Variants in RPL37A observed in about 807,000 individuals in gnomAD.
The protein encoded by RPL37A is ribosomal protein L37a, also known as large ribosomal subunit protein eL43.
In RPL37A, 5 loss-of-function variants were observed where a neutral mutation model predicts 13.6. The ratio of observed to expected loss-of-function variants is 0.37; its 90% confidence interval spans 0.19 to 0.78. RPL37A has a LOEUF of 0.78. Among genes scored for constraint, RPL37A ranks in the 30% least tolerant of loss-of-function variants. The probability of loss-of-function intolerance (pLI) is 0.49; values close to 1 mark genes in which losing one functional copy is unlikely to be tolerated. For missense variants in RPL37A, 77 were observed against 120.0 expected, an observed-to-expected ratio of 0.64 and a Z score of 1.67; for synonymous variants, 50 against 44.4, an observed-to-expected ratio of 1.13 and a Z score of -0.50.
At chr2:216,498,921 A>G (rs1695547637) in intron 1 of RPL37A, 44 bp downstream of exon 1, 3 of 1,613,398 alleles carry the variant, frequency 1.9e-6, no homozygotes, top group Non-Finnish European at 2.5e-6. Context: ...ATCTGCCTGC[A>G]TCTGTCCTTG....
chr2:216,501,462 A>G lies in RPL37A; in HGVS notation c.*58A>G. The G allele has an allele frequency of 7.9e-7, 1 of 1,259,548 alleles. No homozygotes were observed. The highest frequency in any genetic ancestry group is 1.2e-6 in the Non-Finnish European group (1 of 868,126). 78.0% of individuals were successfully genotyped at this position (1,259,548 alleles called of 1,614,324 possible). ...TATAATAAATGGGTTAATTTATGTA[A>G]CAAAATTGCCTTGGCTTGTTAACTT... On this transcript the variant is annotated 3_prime_UTR_variant, in exon 4 of 4. Coordinates refer to ENST00000491306, the MANE Select transcript of RPL37A (RefSeq NM_000998.5).
Position 216,502,305 on chromosome 2 carries a change from A to G in RPL37A, c.*901A>G, listed in dbSNP as rs566817181. On this transcript the variant is annotated 3_prime_UTR_variant, in exon 4 of 4. Transcript: ENST00000491306. ...TCGTGCCACTGCACTTTATTTAGCC[A>G]GGACAACACTCTGTCTCCAAAAAAA... The G allele has an allele frequency of 6.6e-6, 1 of 151,730 alleles. No homozygotes were observed. The highest frequency in any genetic ancestry group is 2.0e-4 in the East Asian group (1 of 5,000). The allele number at this position is 151,730 out of a possible 1,614,324, so 9.4% of individuals were successfully genotyped here.
At position 216,503,257 on chromosome 2, in the gene RPL37A, C is replaced by T. The variant is rs148903451; in HGVS notation, c.*1853C>T. The T allele has an allele frequency of 3.9e-5, 6 of 152,160 alleles. No individual in the cohort carries two copies. The highest frequency in any genetic ancestry group is 6.5e-5 in the Admixed American group (1 of 15,272). The allele number at this position is 152,160 out of a possible 1,614,324, so 9.4% of individuals were successfully genotyped here. A position where few individuals can be genotyped will look rare whatever the true frequency, so the allele number is the denominator to read the frequency against. On this transcript the variant is annotated 3_prime_UTR_variant, in exon 4 of 4. Transcript: ENST00000491306. The stretch of plus-strand genomic sequence containing the variant: ...TGACTTGGGTTAAGTGACTTAACCT[C>T]TCTGCTTCAGTTTCCTGTATAATTC...
intron 3 of RPL37A, 48 bp from the exon 4 acceptor site, chr2:216,501,293 C>T: frequency 4.0e-6 from 6 of 1,510,262 alleles, no homozygotes; most frequent in Non-Finnish European, 5.5e-6. Context: ...TTGCCATTTT[C>T]TATGTTAACA....
chr2:216,498,956 T>C, intron 1 of RPL37A, 79 bp downstream of exon 1: 4 of 1,569,532 alleles, frequency 2.5e-6, no homozygotes, highest in Non-Finnish European at 3.5e-6. Flanking sequence ...ACCCATCTCC[T>C]CTCCTGCCTT....
Position 216,502,601 on chromosome 2 carries a change from A to C in RPL37A, c.*1197A>C, listed in dbSNP as rs1018385721. 2 of 152,198 alleles carry C rather than the reference A, an allele frequency of 1.3e-5. No individual in the cohort carries two copies. The highest frequency in any genetic ancestry group is 4.8e-5 in the African/African-American group (2 of 41,454). The allele number at this position is 152,198 out of a possible 1,614,324, so 9.4% of individuals were successfully genotyped here. Reference sequence around the variant, plus strand: ...AGGCCTGCCTTTGACACTTTTATGCACTTAATTCACTGCCAATTTAGTCTA... The same window carrying C: ...AGGCCTGCCTTTGACACTTTTATGCCCTTAATTCACTGCCAATTTAGTCTA... On this transcript the variant is annotated 3_prime_UTR_variant, in exon 4 of 4. Transcript: ENST00000491306.
At position 216,498,897 on chromosome 2, in the gene RPL37A, C is replaced by T. The variant is rs769222707; in HGVS notation, c.3+20C>T. The stretch of plus-strand genomic sequence containing the variant: ...GACATGGTGAGTGTGGGTCTCTGTG[C>T]GGCCTAGAACTCTATCTGCCTGCAT... On this transcript the variant is annotated intron_variant, in intron 1 of 3. Transcript: ENST00000491306. 2 of 1,613,744 alleles carry T rather than the reference C, an allele frequency of 1.2e-6. No homozygotes were observed. The highest frequency in any genetic ancestry group is 1.7e-6 in the Non-Finnish European group (2 of 1,179,780).
intron 3 of RPL37A, chr2:216,500,303 G>C (rs945479838): frequency 1.7e-5 from 8 of 478,262 alleles, no homozygotes; most frequent in Non-Finnish European, 3.0e-5. Flanking sequence ...TCATGATACT[G>C]TGCAGGTCCA....
At position 216,502,809 on chromosome 2, in the gene RPL37A, T is replaced by G. The variant is rs1051904669; in HGVS notation, c.*1405T>G. On this transcript the variant is annotated 3_prime_UTR_variant, in exon 4 of 4. Coordinates refer to ENST00000491306, the MANE Select transcript of RPL37A (RefSeq NM_000998.5). ...TGGTCTGACCCCTATCTTCTATAAC[T>G]TGTTTTTTTGCTCATTACTGGCCTT... 4 of 152,236 alleles carry G rather than the reference T, an allele frequency of 2.6e-5. No individual in the cohort carries two copies. Among genetic ancestry groups the G allele is most frequent in the African/African-American group, 9.6e-5 (4 of 41,466 alleles). The allele number at this position is 152,236 out of a possible 1,614,324, so 9.4% of individuals were successfully genotyped here. A position where few individuals can be genotyped will look rare whatever the true frequency, so the allele number is the denominator to read the frequency against.
At chr2:216,500,751 T>TA (rs1172384343) in intron 3 of RPL37A, 4 of 152,426 alleles carry the variant, frequency 2.6e-5, no homozygotes, top group Non-Finnish European at 5.9e-5. Flanking sequence ...TTTATATACT[T>TA]ACAATACAGG....
In RPL37A at chr2:216,501,408, C is replaced by T. The variant is rs760083628; in HGVS notation, c.*4C>T. ...GAAGGAGTTGAAAGACCAGTAGACG[C>T]TCCTCTACTCTTTGAGACATCACTG... On this transcript the variant is annotated 3_prime_UTR_variant, in exon 4 of 4. Coordinates refer to ENST00000491306, the MANE Select transcript of RPL37A (RefSeq NM_000998.5). 2 of 1,600,568 alleles carry T rather than the reference C, an allele frequency of 1.2e-6. No homozygotes were observed. Among genetic ancestry groups the T allele is most frequent in the Admixed American group, 3.3e-5 (2 of 59,956 alleles).
In RPL37A at chr2:216,501,694, G is replaced by A. The variant is rs1382791299; in HGVS notation, c.*290G>A. The A allele has an allele frequency of 8.1e-6, 2 of 247,570 alleles. No homozygotes were observed. Among genetic ancestry groups the A allele is most frequent in the Middle Eastern group, 1.3e-3 (1 of 768 alleles). The allele number at this position is 247,570 out of a possible 1,614,324, so 15.3% of individuals were successfully genotyped here. On this transcript the variant is annotated 3_prime_UTR_variant, in exon 4 of 4. Transcript: ENST00000491306. ...ACTTTGAGATACATTGGAGCCAACT[G>A]TAAACTTTAGTTTTTAAATTACAGT...
At position 216,499,291 on chromosome 2, in the gene RPL37A, G is replaced by A; in HGVS notation, c.25G>A (p.Gly9Arg). MAKRTKKV[G>R]IVGKYGTRYG... ...ACAGGCCAAACGTACCAAGAAAGTC[G>A]GGATCGTCGGTAAATACGGGACCCG... Residue 9 changes from glycine to arginine, a missense_variant, in exon 2 of 4, where the codon GGG (glycine) becomes AGG (arginine). Coordinates refer to ENST00000491306, the MANE Select transcript of RPL37A (RefSeq NM_000998.5). 1.2e-6 allele frequency: 2 copies of A among 1,613,282 alleles called. No individual in the cohort carries two copies. The highest frequency in any genetic ancestry group is 1.7e-6 in the Non-Finnish European group (2 of 1,179,956).
intron 3 of RPL37A, 72 bp from the exon 4 acceptor site, chr2:216,501,269 G>A (rs1048915392): frequency 2.3e-6 from 3 of 1,295,666 alleles, no homozygotes; most frequent in Admixed American, 3.5e-5. Context: ...CAAAAACGAG[G>A]CAGATTTACT....
rs373515747 is a variant in RPL37A at position 216,503,738 on chromosome 2, G to A, written c.*2334G>A. The A allele has an allele frequency of 3.3e-4, 50 of 152,264 alleles. No homozygotes were observed. The highest frequency in any genetic ancestry group is 8.4e-4 in the African/African-American group (35 of 41,540). The allele number at this position is 152,264 out of a possible 1,614,324, so 9.4% of individuals were successfully genotyped here. A position where few individuals can be genotyped will look rare whatever the true frequency, so the allele number is the denominator to read the frequency against. ...TATGACAGTTAAAAGAGGAAAGGGC[G>A]GGGGACAGTTTACAGACCAGTGAAA... On this transcript the variant is annotated 3_prime_UTR_variant, in exon 4 of 4. Coordinates refer to ENST00000491306, the MANE Select transcript of RPL37A (RefSeq NM_000998.5).
intron 2 of RPL37A, chr2:216,499,658 C>T: frequency 4.8e-6 from 3 of 629,822 alleles, no homozygotes; most frequent in Non-Finnish European, 8.4e-6. Flanking sequence ...GCCAAACCTG[C>T]TTTGTGGGAA....
At chr2:216,500,187 A>G in intron 3 of RPL37A, 156 bp downstream of exon 3, 1 of 631,062 alleles carries the variant, frequency 1.6e-6, no homozygotes, top group Middle Eastern at 4.3e-4. Flanking sequence ...GTTTATTTTC[A>G]GTTATTGAAA....
In RPL37A at chr2:216,501,752, CTG is replaced by C. The variant is rs780646117; in HGVS notation, c.*350_*351del. 1.6e-5 allele frequency: 3 copies of C among 192,762 alleles called. No individual in the cohort carries two copies. The highest frequency in any genetic ancestry group is 3.2e-5 in the Non-Finnish European group (3 of 93,290). The allele number at this position is 192,762 out of a possible 1,614,324, so 11.9% of individuals were successfully genotyped here. On this transcript the variant is annotated 3_prime_UTR_variant, in exon 4 of 4. Coordinates refer to ENST00000491306, the MANE Select transcript of RPL37A (RefSeq NM_000998.5). ...TTTGTTTGTTTTTGAGGCGGAGTCT[CTG>C]TTACCCAGGCTGGAGTGCAGTATAC...
chr2:216,499,640 C>A, intron 2 of RPL37A: 1 of 628,392 alleles, frequency 1.6e-6, no homozygotes, highest in East Asian at 2.8e-5. Context: ...AGAGTGCCCC[C>A]AGCCTAAGCC....
Sources: allele counts gnomAD v4.1 joint callset, GRCh38; gene constraint gnomAD v4.1.1; transcripts MANE v1.5; gene names NCBI Gene and HGNC (gene_info 2026-07-23, HGNC 2026-07-21).